TSPAN3: variants seen among roughly 807,000 people sequenced by gnomAD.
The protein encoded by TSPAN3 is tetraspanin 3.
A neutral mutation model predicts 31.1 loss-of-function variants in TSPAN3; 9 were observed. That is an observed-to-expected ratio of 0.29 (90% CI 0.17 to 0.50). The LOEUF (loss-of-function observed/expected upper bound fraction) is 0.50, where lower values mean the gene tolerates loss of function less well. Among genes scored for constraint, TSPAN3 ranks in the 20% least tolerant of loss-of-function variants. The probability of loss-of-function intolerance (pLI) is 0.98; values close to 1 mark genes in which losing one functional copy is unlikely to be tolerated. For missense variants in TSPAN3, 252 were observed against 313.5 expected (o/e 0.80, Z 1.48); for synonymous variants, 129 against 114.3 (o/e 1.13, Z -0.82).
At chr15:77,050,658 C>T (rs1296635924) in intron 6 of TSPAN3, among the ~76,000 whole-genome samples, 1 of 152,150 alleles carries the variant, frequency 6.6e-6, no homozygotes, top group Non-Finnish European at 1.5e-5. Flanking sequence ...TATTACTGAA[C>T]ATAAAATCAT....
rs917493266 is a variant in TSPAN3 at position 77,046,773 on chromosome 15, G to T, written c.*62C>A. On this transcript the variant is annotated 3_prime_UTR_variant, in exon 7 of 7. Coordinates refer to ENST00000267970, the MANE Select transcript of TSPAN3 (RefSeq NM_005724.6). ...TGAACTCCAGAGGCCAACAGCAGCA[G>T]ACCTGCTCAATTCACCTTCCAAATC... 1.6e-6 allele frequency: 2 copies of T among 1,269,794 alleles called. No homozygotes were observed. Among genetic ancestry groups the T allele is most frequent in the South Asian group, 1.3e-5 (1 of 78,038 alleles). 78.7% of individuals were successfully genotyped at this position (1,269,794 alleles called of 1,614,324 possible).
At chr15:77,053,384 G>A (rs1467651344) in intron 4 of TSPAN3, among the ~76,000 whole-genome samples, 2 of 139,690 alleles carry the variant, frequency 1.4e-5, no homozygotes, top group Non-Finnish European at 3.0e-5. Context: ...GGAGGTGGAG[G>A]TTGCAGTGAG....
intron 1 of TSPAN3, chr15:77,070,082 GA>G (rs2076857651): frequency 1.3e-5 from 2 of 152,146 alleles, no homozygotes; most frequent in African/African-American, 4.8e-5. Flanking sequence ...AGACGGATAG[GA>G]ACAACTTAGG....
chr15:77,049,337 T>C (rs1279676835), intron 6 of TSPAN3, among the ~76,000 whole-genome samples: 2 of 152,182 alleles, frequency 1.3e-5, no homozygotes, highest in Non-Finnish European at 2.9e-5. Flanking sequence ...CAGTTCTTTA[T>C]GAAATCTGCT....
chr15:77,051,528 T>TAA (rs575430311), intron 6 of TSPAN3, among the ~76,000 whole-genome samples: 2 of 128,346 alleles, frequency 1.6e-5, no homozygotes, highest in African/African-American at 2.9e-5. Flanking sequence ...AACTCTGTCG[T>TAA]AAAAAAAAAA....
chr15:77,051,572 G>C (rs567319853), intron 6 of TSPAN3, among the ~76,000 whole-genome samples: 1 of 151,872 alleles, frequency 6.6e-6, no homozygotes, highest in East Asian at 1.9e-4. Flanking sequence ...GCATAAGCTG[G>C]GTGCGGTGGC....
intron 1 of TSPAN3, among the ~76,000 whole-genome samples, chr15:77,070,583 G>A (rs1442731844): frequency 6.4e-5 from 6 of 93,198 alleles, no homozygotes; most frequent in East Asian, 5.9e-4. Flanking sequence ...CGGCGACTCC[G>A]GGGGGGGGAG....
chr15:77,070,816 C>G, intron 1 of TSPAN3, 76 bp downstream of exon 1: 1 of 914,852 alleles, frequency 1.1e-6, no homozygotes, highest in South Asian at 4.5e-5. Flanking sequence ...GGCCCAAGCC[C>G]GGCCCCCACG....
At chr15:77,049,230 G>A (rs368968669) in intron 6 of TSPAN3, among the ~76,000 whole-genome samples, 1 of 152,080 alleles carries the variant, frequency 6.6e-6, no homozygotes, top group African/African-American at 2.4e-5. Context: ...TCATTTTAAC[G>A]AATAACTGGT....
At chr15:77,056,503 TAAC>T (rs1206883552) in intron 1 of TSPAN3, among the ~76,000 whole-genome samples, 6 of 151,872 alleles carry the variant, frequency 4.0e-5, no homozygotes, top group African/African-American at 7.3e-5. Flanking sequence ...AACCAAATAA[TAAC>T]AATGATGATG....
chr15:77,070,971 G>A lies in TSPAN3; in HGVS notation c.-17C>T, dbSNP rs1156377475. ...CTGGCCCATGGCGCCGGTGGCCCGC[G>A]AAGGCCCGGCCCGGAGAGCGGGGCT... On this transcript the variant is annotated 5_prime_UTR_variant, in exon 1 of 7. Coordinates refer to ENST00000267970, the MANE Select transcript of TSPAN3 (RefSeq NM_005724.6). 5 of 1,423,686 alleles carry A rather than the reference G, an allele frequency of 3.5e-6. No homozygotes were observed. Among genetic ancestry groups the A allele is most frequent in the East Asian group, 3.1e-5 (1 of 31,808 alleles). The allele number at this position is 1,423,686 out of a possible 1,614,324, so 88.2% of individuals were successfully genotyped here.
chr15:77,065,153 A>T (rs1035872856), intron 1 of TSPAN3, among the ~76,000 whole-genome samples: 3 of 151,938 alleles, frequency 2.0e-5, no homozygotes, highest in African/African-American at 7.3e-5. Flanking sequence ...TATACTCCAG[A>T]TTTTTTTTGC....
rs2152694719 is a variant in TSPAN3, at chr15:77,046,331, T to G, written c.*504A>C. The G allele has an allele frequency of 2.5e-6, 1 of 400,648 alleles. No homozygotes were observed. Among genetic ancestry groups the G allele is most frequent in the East Asian group, 3.6e-5 (1 of 28,084 alleles). The allele number at this position is 400,648 out of a possible 1,614,324, so 24.8% of individuals were successfully genotyped here. A position where few individuals can be genotyped will look rare whatever the true frequency, so the allele number is the denominator to read the frequency against. On this transcript the variant is annotated 3_prime_UTR_variant, in exon 7 of 7. Coordinates refer to ENST00000267970, the MANE Select transcript of TSPAN3 (RefSeq NM_005724.6). ...ATCCTACAATCTATTTTAGTCATTT[T>G]GTACAGCTGCTATCTTATTGGACTA...
At chr15:77,059,357 C>T (rs1301897408) in intron 1 of TSPAN3, among the ~76,000 whole-genome samples, 1 of 152,256 alleles carries the variant, frequency 6.6e-6, no homozygotes, top group Non-Finnish European at 1.5e-5. Context: ...GCTGGGATTA[C>T]AGGCGTGAGC....
Position 77,043,098 on chromosome 15 carries a change from AC to A in TSPAN3, c.*3736del, listed in dbSNP as rs2076668774. The stretch of plus-strand genomic sequence containing the variant: ...TGCACGGGTCCCAGCAGCATTCCCC[AC>A]CGTGACAGCTCTCTGCTCCTGTGGC... On this transcript the variant is annotated 3_prime_UTR_variant, in exon 7 of 7. Coordinates refer to ENST00000267970, the MANE Select transcript of TSPAN3 (RefSeq NM_005724.6). The A allele has an allele frequency of 6.6e-6, 1 of 152,116 alleles. No individual in the cohort carries two copies. The highest frequency in any genetic ancestry group is 6.6e-5 in the Admixed American group (1 of 15,240). The allele number at this position is 152,116 out of a possible 1,614,324, so 9.4% of individuals were successfully genotyped here.
intron 1 of TSPAN3, among the ~76,000 whole-genome samples, chr15:77,070,590 G>GA (rs948716121): frequency 6.6e-6 from 1 of 152,020 alleles, no homozygotes; most frequent in Non-Finnish European, 1.5e-5. Context: ...TCCGGGGGGG[G>GA]GAGACTGGGG....
At chr15:77,069,376 T>TA (rs1254834099) in intron 1 of TSPAN3, among the ~76,000 whole-genome samples, 2 of 152,218 alleles carry the variant, frequency 1.3e-5, no homozygotes, top group Non-Finnish European at 2.9e-5. Context: ...AGAAGACTGA[T>TA]ACGACTTTTG....
intron 5 of TSPAN3, 57 bp downstream of exon 5, chr15:77,052,720 G>A: frequency 6.3e-7 from 1 of 1,581,436 alleles, no homozygotes; most frequent in Non-Finnish European, 8.6e-7. Context: ...ATGGTGATAA[G>A]ACATGGTGAA....
chr15:77,070,474 G>C (rs551405490), intron 1 of TSPAN3, among the ~76,000 whole-genome samples: 184 of 152,200 alleles, frequency 1.2e-3, no homozygotes, highest in African/African-American at 3.9e-3. Context: ...ACTCGTCTGC[G>C]AGGCCCCGAC....
Sources: allele counts gnomAD v4.1 joint callset (sites outside exome capture counted in the v4.1 genomes callset), GRCh38; gene constraint gnomAD v4.1.1; transcripts MANE v1.5; gene names NCBI Gene and HGNC (gene_info 2026-07-23, HGNC 2026-07-21).